The following MRTFB variants were observed in gnomAD, a reference collection of about 807,000 sequenced individuals.
The protein encoded by MRTFB is myocardin-related transcription factor B.
In MRTFB, 29 loss-of-function variants were observed where a neutral mutation model predicts 104.2. That is an observed-to-expected ratio of 0.28 (90% CI 0.21 to 0.38). MRTFB has a LOEUF of 0.38. MRTFB is among the 10% of genes least tolerant of loss of function. The pLI, the probability that MRTFB is intolerant of heterozygous loss-of-function variation, is 1.00. For synonymous variants in MRTFB, 535 were observed against 519.5 expected, an observed-to-expected ratio of 1.03 and a Z score of -0.41; for missense variants, 1,270 against 1,341.6, an observed-to-expected ratio of 0.95 and a Z score of 0.83.
chr16:14,161,458 C>G (rs931569775), intron 3 of MRTFB, among the ~76,000 whole-genome samples: 4 of 151,988 alleles, frequency 2.6e-5, no homozygotes, highest in Non-Finnish European at 5.9e-5. Flanking sequence ...AACTCATACA[C>G]AAAAAATCCA....
intron 2 of MRTFB, among the ~76,000 whole-genome samples, chr16:14,137,042 A>C (rs1479967834): frequency 6.6e-6 from 1 of 152,172 alleles, no homozygotes; most frequent in African/African-American, 2.4e-5. Context: ...TTTGTAACTA[A>C]ATTATGGCCC....
intron 3 of MRTFB, among the ~76,000 whole-genome samples, chr16:14,159,897 T>A (rs1456385132): frequency 2.5e-5 from 3 of 121,124 alleles, no homozygotes; most frequent in Non-Finnish European, 4.7e-5. Context: ...GCCACTGCAC[T>A]CCAGCCTGGG....
At position 14,246,959 on chromosome 16, in the gene MRTFB, G is replaced by A; in HGVS notation, c.1699G>A (p.Ala567Thr). The stretch of plus-strand genomic sequence containing the variant: ...CACTCTGTCAAACCTGGAACTGGAT[G>A]CAGCCGAAAAGGATCGCAAGCTTCA... The part of the protein sequence containing the change: ...SSTLSNLELD[A>T]AEKDRKLQEK... Residue 567 changes from alanine (A) to threonine (T), a missense_variant, in exon 12 of 17, where the codon GCA (alanine) becomes ACA (threonine). Ala to Thr is a moderately conservative substitution (Grantham distance 58). Transcript: ENST00000571589. 2 of 1,614,108 alleles carry A rather than the reference G, an allele frequency of 1.2e-6. No individual in the cohort carries two copies. The highest frequency in any genetic ancestry group is 1.1e-5 in the South Asian group (1 of 91,080).
rs1317035705 is a variant in MRTFB at position 14,247,080 on chromosome 16, G to A, written c.1820G>A (p.Arg607Gln). ...VLKMQLEVEK[R>Q]GQQQRPLEAQ... ...AAAATGCAACTTGAGGTTGAAAAACGAGGGCAGCAGCAGCGGCCCCTGGAA... is the reference window on the plus strand; with the variant it reads ...AAAATGCAACTTGAGGTTGAAAAACAAGGGCAGCAGCAGCGGCCCCTGGAA... Residue 607 changes from arginine (R) to glutamine (Q), a missense_variant, in exon 12 of 17, where the codon CGA (arginine) becomes CAA (glutamine). Around this residue, in one of 3 missense-constraint regions of MRTFB, gnomAD observed 1,144 missense variants for 1,131.5 expected, o/e 1.01. Transcript: ENST00000571589. 4 of 1,614,192 alleles carry A rather than the reference G, an allele frequency of 2.5e-6. No individual in the cohort carries two copies. Among genetic ancestry groups the A allele is most frequent in the East Asian group, 2.2e-5 (1 of 44,886 alleles).
the MRTFB span, among the ~76,000 whole-genome samples, chr16:14,022,766 T>C: frequency 4.0e-5 from 6 of 148,976 alleles, no homozygotes; most frequent in African/African-American, 7.4e-5. Context: ...TTTTTTTTTT[T>C]TGAGACAAGG....
chr16:14,061,767 T>C, the MRTFB span, among the ~76,000 whole-genome samples: 2 of 152,072 alleles, frequency 1.3e-5, no homozygotes, highest in African/African-American at 4.8e-5. Flanking sequence ...AAGGATGTAT[T>C]TTCTGGAATG....
intron 15 of MRTFB, among the ~76,000 whole-genome samples, chr16:14,255,679 G>T (rs538453938): frequency 1.3e-4 from 20 of 152,276 alleles, no homozygotes; most frequent in Non-Finnish European, 2.8e-4. Context: ...GATGGGGGAG[G>T]AAATGAGTGG....
At chr16:14,095,622 A>T (rs2142005335) in intron 2 of MRTFB, among the ~76,000 whole-genome samples, 1 of 152,356 alleles carries the variant, frequency 6.6e-6, no homozygotes, top group South Asian at 2.1e-4. Context: ...ATCAGGCATC[A>T]TTTCACCATT....
intron 10 of MRTFB, among the ~76,000 whole-genome samples, chr16:14,241,964 CAATAATAATAATAAT>C (rs34609591): frequency 0.11 from 15,086 of 138,522 alleles, 2,495 homozygotes; most frequent in African/African-American, 0.35. Flanking sequence ...CATTGGGCAC[CAATAATAATAATAAT>C]AATAATAATA....
At chr16:14,039,295 G>A in the MRTFB span, among the ~76,000 whole-genome samples, 2 of 152,170 alleles carry the variant, frequency 1.3e-5, no homozygotes, top group Admixed American at 6.5e-5. Context: ...CCTCCAGAAC[G>A]GGCATTGGAG....
intron 15 of MRTFB, among the ~76,000 whole-genome samples, chr16:14,256,667 G>C (rs192569864): frequency 6.6e-6 from 1 of 152,162 alleles, no homozygotes; most frequent in Non-Finnish European, 1.5e-5. Flanking sequence ...TAGAGTTGGC[G>C]GTAACCTGAC....
intron 8 of MRTFB, among the ~76,000 whole-genome samples, chr16:14,227,329 C>G (rs185096918): frequency 6.6e-6 from 1 of 152,042 alleles, no homozygotes; most frequent in African/African-American, 2.4e-5. Flanking sequence ...AGCCCCTCCC[C>G]GCTCTCTCTT....
rs553255089 is a variant in MRTFB, at chr16:14,095,951, T to C, written c.-64+16597T>C. ...AATTGGGTATGATATGTTCAGAACA[T>C]GTGACAGGGAATCATGTCAGGCAAA... On this transcript the variant is annotated intron_variant, in intron 2 of 16. Coordinates refer to ENST00000571589, the MANE Select transcript of MRTFB (RefSeq NM_001308142.2). 2.0e-5 allele frequency among the ~76,000 whole-genome samples: 3 copies of C among 152,322 alleles called. No homozygotes were observed. In the South Asian group the frequency reaches 6.2e-4, roughly 32 times the overall value.
the MRTFB span, among the ~76,000 whole-genome samples, chr16:14,066,303 T>C: frequency 6.6e-6 from 1 of 151,972 alleles, no homozygotes; most frequent in Admixed American, 6.6e-5. Context: ...AGATGGAGTC[T>C]CACTCTGTTG....
At chr16:14,102,078 T>C (rs747794248) in intron 2 of MRTFB, among the ~76,000 whole-genome samples, 10 of 151,938 alleles carry the variant, frequency 6.6e-5, no homozygotes, top group Non-Finnish European at 1.3e-4. Context: ...TATTTTCAAA[T>C]GGCCATGAGG....
chr16:14,161,683 A>G (rs1027119113), intron 3 of MRTFB, among the ~76,000 whole-genome samples: 1 of 152,324 alleles, frequency 6.6e-6, no homozygotes, highest in Middle Eastern at 3.4e-3. Flanking sequence ...ATCTCAATAT[A>G]TATATTGAAC....
intron 3 of MRTFB, among the ~76,000 whole-genome samples, chr16:14,145,557 A>G (rs569028162): frequency 6.6e-6 from 1 of 152,322 alleles, no homozygotes; most frequent in South Asian, 2.1e-4. Flanking sequence ...CTTAGTAAAG[A>G]GAAGCTGGGA....
chr16:14,127,791 A>AAT (rs1033642563), intron 2 of MRTFB, among the ~76,000 whole-genome samples: 54 of 149,006 alleles, frequency 3.6e-4, no homozygotes, highest in Middle Eastern at 3.5e-3. Flanking sequence ...AGCAAAAGTG[A>AAT]ATATATATAT....
At chr16:14,089,818 G>T (rs531049217) in intron 2 of MRTFB, among the ~76,000 whole-genome samples, 4 of 152,200 alleles carry the variant, frequency 2.6e-5, no homozygotes, top group Admixed American at 6.5e-5. Flanking sequence ...TGTGTTTTTC[G>T]TAGTAGCCAT....
Sources: allele counts gnomAD v4.1 joint callset (sites outside exome capture counted in the v4.1 genomes callset), GRCh38; gene constraint gnomAD v4.1.1; regional missense constraint gnomAD v4.1.1; transcripts MANE v1.5; gene names NCBI Gene and HGNC (gene_info 2026-07-23, HGNC 2026-07-21).